Variants in PRIM2 observed in about 807,000 individuals in gnomAD.
PRIM2 encodes DNA primase large subunit.
Under a neutral mutation model 67.3 loss-of-function variants are expected in PRIM2, and 39 were observed. The observed-to-expected ratio is 0.58, with a 90% CI of 0.45 to 0.76. The LOEUF is 0.76. Among genes scored for constraint, PRIM2 ranks in the 30% least tolerant of loss-of-function variants. The probability of loss-of-function intolerance (pLI) is 0.00; values close to 1 mark genes in which losing one functional copy is unlikely to be tolerated. For synonymous variants in PRIM2, 143 were observed against 198.7 expected, an observed-to-expected ratio of 0.72 and a Z score of 2.36; for missense variants, 398 against 598.7, an observed-to-expected ratio of 0.66 and a Z score of 3.50.
At chr6:57,468,651 C>T (rs1218324401) in intron 7 of PRIM2, among the ~76,000 whole-genome samples, 1 of 152,052 alleles carries the variant, frequency 6.6e-6, no homozygotes, top group Non-Finnish European at 1.5e-5. Context: ...CATAATATGG[C>T]CCAGGGGTTT....
At chr6:57,242,736 G>A in the PRIM2 span, among the ~76,000 whole-genome samples, 1 of 152,064 alleles carries the variant, frequency 6.6e-6, no homozygotes, top group Non-Finnish European at 1.5e-5. Context: ...GTTGCTATCT[G>A]GGCTTTATTT....
intron 7 of PRIM2, among the ~76,000 whole-genome samples, chr6:57,419,799 T>A (rs537502434): frequency 2.5e-3 from 384 of 152,294 alleles, no homozygotes; most frequent in African/African-American, 8.9e-3. Flanking sequence ...AATGTCTTGC[T>A]AATGTAAGTG....
At chr6:57,328,794 G>T (rs1166413510) in intron 5 of PRIM2, among the ~76,000 whole-genome samples, 1 of 152,098 alleles carries the variant, frequency 6.6e-6, no homozygotes, top group Non-Finnish European at 1.5e-5. Context: ...GTGGATGAGG[G>T]TTCCACTTTC....
At chr6:57,499,460 C>T (rs1774081975) in intron 7 of PRIM2, among the ~76,000 whole-genome samples, 1 of 152,184 alleles carries the variant, frequency 6.6e-6, no homozygotes, top group Non-Finnish European at 1.5e-5. Flanking sequence ...ATAAAACCTT[C>T]ATTAGAGATG....
chr6:57,446,418 CTT>C lies in PRIM2; in HGVS notation c.694-60955_694-60954del, dbSNP rs397958660. Among the ~76,000 whole-genome samples, 21 of 83,796 alleles carry C rather than the reference CTT, an allele frequency of 2.5e-4. 2 individuals carry two copies. The highest frequency in any genetic ancestry group is 5.8e-4 in the African/African-American group (12 of 20,606). 55.0% of individuals were successfully genotyped at this position (83,796 alleles called of 152,430 possible). A position where few individuals can be genotyped will look rare whatever the true frequency, so the allele number is the denominator to read the frequency against. The stretch of plus-strand genomic sequence containing the variant: ...GGCATAGGCCTGGCACACGCCACTT[CTT>C]TTTTTTTTTTTTTGAGACAGTCTTG... On this transcript the variant is annotated intron_variant, in intron 7 of 13. Transcript: ENST00000615550.
chr6:57,376,568 G>A (rs1366383417), intron 5 of PRIM2, among the ~76,000 whole-genome samples: 8 of 152,098 alleles, frequency 5.3e-5, no homozygotes, highest in Non-Finnish European at 1.2e-4. Flanking sequence ...GAACCAGAAC[G>A]TCCACACACA....
intron 5 of PRIM2, among the ~76,000 whole-genome samples, chr6:57,330,099 A>T (rs1768001572): frequency 6.6e-6 from 1 of 152,168 alleles, no homozygotes; most frequent in Non-Finnish European, 1.5e-5. Context: ...TTTGGGAGGT[A>T]TTCTTTTGTA....
At chr6:57,229,063 G>T in the PRIM2 span, among the ~76,000 whole-genome samples, 1 of 152,158 alleles carries the variant, frequency 6.6e-6, no homozygotes, top group Non-Finnish European at 1.5e-5. Flanking sequence ...TTACTGCTCT[G>T]CAGTGTCCAA....
rs1250767080 is a variant in PRIM2, at chr6:57,340,181, G to T, written c.459+14136G>T. 2.0e-5 allele frequency among the ~76,000 whole-genome samples: 3 copies of T among 152,180 alleles called. No individual in the cohort carries two copies. In the South Asian group the frequency reaches 6.2e-4, roughly 32 times the overall value. Reference sequence around the variant, plus strand: ...ATACCATCTCACACCAGTTAGAATGGCAGTCATTAAAAAATCAGGAAACAA... The same window carrying T: ...ATACCATCTCACACCAGTTAGAATGTCAGTCATTAAAAAATCAGGAAACAA... On this transcript the variant is annotated intron_variant, in intron 5 of 13. Coordinates refer to ENST00000615550, the MANE Select transcript of PRIM2 (RefSeq NM_000947.5).
chr6:57,251,998 G>T, the PRIM2 span, among the ~76,000 whole-genome samples: 7 of 152,172 alleles, frequency 4.6e-5, no homozygotes, highest in Non-Finnish European at 8.8e-5. Flanking sequence ...TGCTTGTACA[G>T]TTGCCTAGCA....
At chr6:57,318,943 T>G (rs965029758) in intron 2 of PRIM2, among the ~76,000 whole-genome samples, 1 of 152,190 alleles carries the variant, frequency 6.6e-6, no homozygotes, top group Non-Finnish European at 1.5e-5. Context: ...ACTGCTCTAG[T>G]AGAAGTAAAT....
At chr6:57,540,828 C>A (rs1217446184) in intron 10 of PRIM2, among the ~76,000 whole-genome samples, 17 of 152,142 alleles carry the variant, frequency 1.1e-4, no homozygotes, top group Non-Finnish European at 5.9e-5. Context: ...AATTTAATAG[C>A]CCCACCCTGT....
At chr6:57,571,959 T>G (rs1228272195) in intron 10 of PRIM2, among the ~76,000 whole-genome samples, 25 of 152,348 alleles carry the variant, frequency 1.6e-4, no homozygotes, top group Non-Finnish European at 3.4e-4. Context: ...TCTGCCTCCA[T>G]GTCAACCCCT....
intron 12 of PRIM2, among the ~76,000 whole-genome samples, chr6:57,624,437 T>C (rs1187448001): frequency 6.6e-6 from 1 of 152,194 alleles, no homozygotes; most frequent in Non-Finnish European, 1.5e-5. Flanking sequence ...CTAACTACAA[T>C]AGAGTATGAT....
chr6:57,541,765 G>A (rs1269625041), intron 10 of PRIM2, among the ~76,000 whole-genome samples: 1 of 152,120 alleles, frequency 6.6e-6, no homozygotes, highest in East Asian at 1.9e-4. Context: ...CTTACTCACA[G>A]GAGGTCAGGC....
chr6:57,353,979 A>G (rs1434384622), intron 5 of PRIM2, among the ~76,000 whole-genome samples: 1 of 152,186 alleles, frequency 6.6e-6, no homozygotes, highest in Non-Finnish European at 1.5e-5. Context: ...TGTAATTCCT[A>G]TAGAGAAAAG....
intron 5 of PRIM2, among the ~76,000 whole-genome samples, chr6:57,352,844 AGT>A (rs1768902497): frequency 6.6e-6 from 1 of 152,156 alleles, no homozygotes; most frequent in Non-Finnish European, 1.5e-5. Flanking sequence ...GAAAAAAAAT[AGT>A]GTCATGAATT....
In PRIM2 at chr6:57,552,236, A is replaced by G. The variant is rs1308101331; in HGVS notation, c.1020+14611A>G. Among the ~76,000 whole-genome samples, 59 of 152,306 alleles carry G rather than the reference A, an allele frequency of 3.9e-4. No individual in the cohort carries two copies. The East Asian group carries it at 8.0e-3, about 21-fold the overall frequency. ...AGCACTGGCTTGGTGGCCTGGGCTTACATGAGGCCTACACTAAGCTCACTG... is the reference window on the plus strand; with the variant it reads ...AGCACTGGCTTGGTGGCCTGGGCTTGCATGAGGCCTACACTAAGCTCACTG... On this transcript the variant is annotated intron_variant, in intron 10 of 13. Coordinates refer to ENST00000615550, the MANE Select transcript of PRIM2 (RefSeq NM_000947.5).
At chr6:57,392,211 T>C (rs916352131) in intron 7 of PRIM2, among the ~76,000 whole-genome samples, 1 of 152,068 alleles carries the variant, frequency 6.6e-6, no homozygotes, top group African/African-American at 2.4e-5. Context: ...AGCGATTTCG[T>C]TCATTGATTT....
Sources: allele counts gnomAD v4.1 joint callset (sites outside exome capture counted in the v4.1 genomes callset), GRCh38; gene constraint gnomAD v4.1.1; transcripts MANE v1.5; gene names NCBI Gene and HGNC (gene_info 2026-07-23, HGNC 2026-07-21).